Variants in RFNG observed in about 807,000 individuals in gnomAD.
RFNG encodes RFNG O-fucosylpeptide 3-beta-N-acetylglucosaminyltransferase, also known as beta-1,3-N-acetylglucosaminyltransferase radical fringe.
Under a neutral mutation model 29.6 loss-of-function variants are expected in RFNG, and 37 were observed. That is an observed-to-expected ratio of 1.25 (90% CI 0.96 to 1.65). RFNG has a LOEUF of 1.65. RFNG is among the 40% of genes most tolerant of loss of function. The probability of loss-of-function intolerance (pLI) is 0.00; values close to 1 mark genes in which losing one functional copy is unlikely to be tolerated. For synonymous variants in RFNG, 276 were observed against 197.3 expected (o/e 1.40, Z -3.34); for missense variants, 546 against 457.0 (o/e 1.19, Z -1.78).
chr17:82,051,573 T>G lies in RFNG; in HGVS notation c.194A>C (p.Lys65Thr). ...CGGCCCGTGGTTCTTCCGGGTGGTC[T>G]TGACGGCGATGAAGACGTCGTCAGG... ...LRPDDVFIAV[K>T]TTRKNHGPRL... The change falls in exon 1 of 8, where the codon AAG becomes ACG. Residue 65 changes from lysine (K) to threonine (T), a missense_variant. Coordinates refer to ENST00000310496, the MANE Select transcript of RFNG (RefSeq NM_002917.2). The surrounding 1 kb of genome is among the most constrained non-coding windows in gnomAD (Gnocchi z 4.1). 7.3e-7 allele frequency: 1 copy of G among 1,363,216 alleles called. No individual in the cohort carries two copies. The highest frequency in any genetic ancestry group is 3.2e-5 in the East Asian group (1 of 30,920). 84.4% of individuals were successfully genotyped at this position (1,363,216 alleles called of 1,614,324 possible).
rs2030633889 is a variant in RFNG at position 82,051,650 on chromosome 17, G to A, written c.117C>T (p.Pro39=). The part of the protein sequence containing the change: ...LPRAPAPART[P]APAPRAPPSR... ...ACGGGGGCGCGCGCGGGGCCGGGGC[G>A]GGGGTCCGGGCCGGGGCGGGCGCGC... Residue 39 remains proline (P), a synonymous_variant, in exon 1 of 8, where the codon CCC becomes CCT. Transcript: ENST00000310496. The surrounding 1 kb of genome is among the most constrained non-coding windows in gnomAD (Gnocchi z 4.1). 2.9e-6 allele frequency: 3 copies of A among 1,038,734 alleles called. No homozygotes were observed. Among genetic ancestry groups the A allele is most frequent in the South Asian group, 4.5e-5 (1 of 22,084 alleles). 64.3% of individuals were successfully genotyped at this position (1,038,734 alleles called of 1,614,324 possible).
In RFNG at chr17:82,050,329, C is replaced by T. The variant is rs902240323; in HGVS notation, c.573+73G>A. ...ATGCCCTTCTCAAGCCAGCTTTCCA[C>T]GCCCTCTGCTGTGCCTCCCGGGCTG... On this transcript the variant is annotated intron_variant, in intron 4 of 7. Coordinates refer to ENST00000310496, the MANE Select transcript of RFNG (RefSeq NM_002917.2). The T allele has an allele frequency of 5.3e-5, 78 of 1,477,652 alleles. No homozygotes were observed. The African/African-American group carries it at 5.6e-4, about 11-fold the overall frequency. 91.5% of individuals were successfully genotyped at this position (1,477,652 alleles called of 1,614,324 possible). A position where few individuals can be genotyped will look rare whatever the true frequency, so the allele number is the denominator to read the frequency against.
intron 4 of RFNG, 143 bp from the exon 5 acceptor site, chr17:82,050,149 C>T (rs944370974): frequency 3.0e-5 from 25 of 828,768 alleles, no homozygotes; most frequent in African/African-American, 1.5e-4. Flanking sequence ...CAAAAAGAGC[C>T]GGGGGCTTCT....
At position 82,048,994 on chromosome 17, in the gene RFNG, C is replaced by A. The variant is rs140019414; in HGVS notation, c.914+37G>T. 9.4e-6 allele frequency: 15 copies of A among 1,591,488 alleles called. No individual in the cohort carries two copies. The Admixed American group carries it at 1.0e-4, about 11-fold the overall frequency. On this transcript the variant is annotated intron_variant, in intron 7 of 7. Transcript: ENST00000310496. ...GAGGGAGCTGATGCCAGAGCCCCTG[C>A]GGGGCCGAGGGCCTGCCCATGCCAC...
In RFNG at chr17:82,048,379, C is replaced by T. The variant is rs373360850; in HGVS notation, c.*347G>A. On this transcript the variant is annotated 3_prime_UTR_variant, in exon 8 of 8. Coordinates refer to ENST00000310496, the MANE Select transcript of RFNG (RefSeq NM_002917.2). ...CTTGACACCCAGCCAGCCTAGCACC[C>T]GCCTTCAGCAACAGGTAATGGAGCC... The T allele has an allele frequency of 8.1e-5, 26 of 320,808 alleles. 1 individual carries two copies. The highest frequency in any genetic ancestry group is 6.1e-4 in the East Asian group (8 of 13,156). 19.9% of individuals were successfully genotyped at this position (320,808 alleles called of 1,614,324 possible).
rs1339247863 is a variant in RFNG at position 82,049,120 on chromosome 17, G to A, written c.829-4C>T. The A allele has an allele frequency of 6.2e-7, 1 of 1,612,252 alleles. No individual in the cohort carries two copies. The highest frequency in any genetic ancestry group is 2.2e-5 in the East Asian group (1 of 44,868). The stretch of plus-strand genomic sequence containing the variant: ...GACCCCCATGGCTCAAGGTAACCTG[G>A]GAGGGAAGGGTGTGGGCAGAGTGTG... On this transcript the variant is annotated splice_region_variant and splice_polypyrimidine_tract_variant and intron_variant, in intron 6 of 7. Coordinates refer to ENST00000310496, the MANE Select transcript of RFNG (RefSeq NM_002917.2).
intron 6 of RFNG, chr17:82,049,381 C>G (rs1404842472): frequency 1.4e-6 from 1 of 698,682 alleles, no homozygotes; most frequent in African/African-American, 1.7e-5. Context: ...GTGATGGGAC[C>G]TGTTCCGACT....
rs553117599 is a variant in RFNG, at chr17:82,048,868, C to T, written c.915-61G>A. On this transcript the variant is annotated intron_variant, in intron 7 of 7. Transcript: ENST00000310496. ...CGGAGAGAGAAGCGGGGGCCAGGGCCGTGGGCGGCGGGAGAACCTGGGGTC... is the reference window on the plus strand; with the variant it reads ...CGGAGAGAGAAGCGGGGGCCAGGGCTGTGGGCGGCGGGAGAACCTGGGGTC... The T allele has an allele frequency of 1.0e-4, 158 of 1,520,486 alleles. 1 individual carries two copies. In the East Asian group the frequency reaches 2.2e-3, roughly 21 times the overall value. 94.2% of individuals were successfully genotyped at this position (1,520,486 alleles called of 1,614,324 possible).
rs763215240 is a variant in RFNG, at chr17:82,050,395, C to A, written c.573+7G>T. 1.3e-6 allele frequency: 2 copies of A among 1,566,708 alleles called. No individual in the cohort carries two copies. The highest frequency in any genetic ancestry group is 1.7e-6 in the Non-Finnish European group (2 of 1,161,692). On this transcript the variant is annotated splice_region_variant and intron_variant, in intron 4 of 7. Transcript: ENST00000310496. Reference sequence around the variant, plus strand: ...TCTGCTCCGATGGCGTCTGCTCCGACACTCACAGTTCTGCCACCCTGGACC... The same window carrying A: ...TCTGCTCCGATGGCGTCTGCTCCGAAACTCACAGTTCTGCCACCCTGGACC...
Position 82,051,252 on chromosome 17 carries a change from G to C in RFNG, c.316+42C>G. 7.5e-7 allele frequency: 1 copy of C among 1,341,982 alleles called. No homozygotes were observed. The highest frequency in any genetic ancestry group is 3.7e-5 in the Admixed American group (1 of 27,356). 83.1% of individuals were successfully genotyped at this position (1,341,982 alleles called of 1,614,324 possible). ...GTGGCTTCGGAGCGAGAAAGGCTCG[G>C]GGGGCAGATCCCGCGGGCGCCGGGG... On this transcript the variant is annotated intron_variant, in intron 2 of 7. Coordinates refer to ENST00000310496, the MANE Select transcript of RFNG (RefSeq NM_002917.2). This position sits in a 1 kb window ranked among gnomAD's most constrained non-coding sequence, Gnocchi z 4.1.
chr17:82,048,906 A>G (rs539782564), intron 7 of RFNG, 99 bp from the exon 8 acceptor site: 3 of 1,385,286 alleles, frequency 2.2e-6, no homozygotes, highest in Non-Finnish European at 3.1e-6. Context: ...GGCCGTGGGT[A>G]CAGGGAGAAG....
rs771397084 is a variant in RFNG, at chr17:82,049,635, G to C, written c.828+42C>G. Reference sequence around the variant, plus strand: ...GGGCCCCTGGGGGAGTCAGGGCGGGGCAAAGCCCAGGTGGCAGAGGCACCC... The same window carrying C: ...GGGCCCCTGGGGGAGTCAGGGCGGGCCAAAGCCCAGGTGGCAGAGGCACCC... On this transcript the variant is annotated intron_variant, in intron 6 of 7. Coordinates refer to ENST00000310496, the MANE Select transcript of RFNG (RefSeq NM_002917.2). 4 of 1,461,378 alleles carry C rather than the reference G, an allele frequency of 2.7e-6. No individual in the cohort carries two copies. In the African/African-American group the frequency reaches 5.7e-5, roughly 21 times the overall value. The allele number at this position is 1,461,378 out of a possible 1,614,324, so 90.5% of individuals were successfully genotyped here.
chr17:82,050,791 A>G (rs750894066), intron 2 of RFNG, 27 bp from the exon 3 acceptor site: 118 of 1,607,842 alleles, frequency 7.3e-5, no homozygotes, highest in Non-Finnish European at 9.7e-5. Flanking sequence ...GGAAGCACGC[A>G]CGTAGAGGAT....
chr17:82,051,486 G>T lies in RFNG; in HGVS notation c.267+14C>A, dbSNP rs945168430. ...GGGCGTGGGGCTCGCCGTCGGGGTCGGGGTCCGGCGCACCTGCTGGCGGGC... is the reference window on the plus strand; with the variant it reads ...GGGCGTGGGGCTCGCCGTCGGGGTCTGGGTCCGGCGCACCTGCTGGCGGGC... On this transcript the variant is annotated intron_variant, in intron 1 of 7. Transcript: ENST00000310496. The surrounding 1 kb of genome is among the most constrained non-coding windows in gnomAD (Gnocchi z 4.1). 1 of 1,365,260 alleles carries T rather than the reference G, an allele frequency of 7.3e-7. No individual in the cohort carries two copies. The highest frequency in any genetic ancestry group is 2.7e-4 in the Middle Eastern group (1 of 3,650). 84.6% of individuals were successfully genotyped at this position (1,365,260 alleles called of 1,614,324 possible).
At position 82,050,002 on chromosome 17, in the gene RFNG, G is replaced by A; in HGVS notation, c.578C>T (p.Thr193Ile). The A allele has an allele frequency of 1.9e-6, 3 of 1,609,276 alleles. No homozygotes were observed. Among genetic ancestry groups the A allele is most frequent in the Non-Finnish European group, 2.5e-6 (3 of 1,178,026 alleles). Residue 193 changes from threonine (T) to isoleucine (I), a missense_variant, in exon 5 of 8, where the codon ACC becomes ATC. Physicochemically the swap from Thr to Ile is moderately conservative, Grantham distance 89. Transcript: ENST00000310496. ...TERVQGGRTV[T>I]TVKFWFATGG... ...AGTAGCAAACCAGAACTTGACCGTG[G>A]TCACCTGAAGATGGGGTGGTGGTCA...
rs536979927 is a variant in RFNG, at chr17:82,049,321, G to A, written c.829-205C>T. On this transcript the variant is annotated intron_variant, in intron 6 of 7. Transcript: ENST00000310496. ...CAGAGCCTGGGGGACAGAAGATAGGGATCTGAAACCTCCAGGGCAAAGCTG... is the reference window on the plus strand; with the variant it reads ...CAGAGCCTGGGGGACAGAAGATAGGAATCTGAAACCTCCAGGGCAAAGCTG... The A allele has an allele frequency of 3.7e-4, 263 of 701,952 alleles. 1 individual carries two copies. In the African/African-American group the frequency reaches 4.0e-3, roughly 11 times the overall value. 43.5% of individuals were successfully genotyped at this position (701,952 alleles called of 1,614,324 possible).
rs1437644283 is a variant in RFNG at position 82,049,432 on chromosome 17, T to G, written c.828+245A>C. 5.7e-6 allele frequency: 4 copies of G among 703,510 alleles called. No homozygotes were observed. In the East Asian group the frequency reaches 1.1e-4, roughly 19 times the overall value. The allele number at this position is 703,510 out of a possible 1,614,324, so 43.6% of individuals were successfully genotyped here. On this transcript the variant is annotated intron_variant, in intron 6 of 7. Coordinates refer to ENST00000310496, the MANE Select transcript of RFNG (RefSeq NM_002917.2). ...CACCACACCCACTGCCCAGCTGGCATGGGGCCTCACTGGCCCGAGAACTGT... is the reference window on the plus strand; with the variant it reads ...CACCACACCCACTGCCCAGCTGGCAGGGGGCCTCACTGGCCCGAGAACTGT...
At position 82,049,680 on chromosome 17, in the gene RFNG, C is replaced by T. The variant is rs761359042; in HGVS notation, c.825G>A (p.Gln275=). Residue 275 remains glutamine, a synonymous_variant, in exon 6 of 8, where the codon CAG becomes CAA. Coordinates refer to ENST00000310496, the MANE Select transcript of RFNG (RefSeq NM_002917.2). ...LQRLPPDTLL[Q]QVTLSHGGPE... is the part of the protein sequence containing the mutation. ...GCACCCAGAGTGGCGCCTGTACCTGCTGGAGCAGGGTGTCGGGCGGCAGCC... is the reference window on the plus strand; with the variant it reads ...GCACCCAGAGTGGCGCCTGTACCTGTTGGAGCAGGGTGTCGGGCGGCAGCC... 2.2e-5 allele frequency: 33 copies of T among 1,466,960 alleles called. No individual in the cohort carries two copies. The highest frequency in any genetic ancestry group is 2.7e-5 in the Non-Finnish European group (30 of 1,108,734). The allele number at this position is 1,466,960 out of a possible 1,614,324, so 90.9% of individuals were successfully genotyped here. A position where few individuals can be genotyped will look rare whatever the true frequency, so the allele number is the denominator to read the frequency against.
In RFNG at chr17:82,050,018, G is replaced by A. The variant is rs1478983366; in HGVS notation, c.574-12C>T. 14 of 1,598,836 alleles carry A rather than the reference G, an allele frequency of 8.8e-6. No individual in the cohort carries two copies. In the East Asian group the frequency reaches 9.1e-5, roughly 10 times the overall value. On this transcript the variant is annotated splice_polypyrimidine_tract_variant and intron_variant, in intron 4 of 7. Coordinates refer to ENST00000310496, the MANE Select transcript of RFNG (RefSeq NM_002917.2). The stretch of plus-strand genomic sequence containing the variant: ...TTGACCGTGGTCACCTGAAGATGGG[G>A]TGGTGGTCAGAGCTGCCCAGGACAG...
Sources: gnomAD v4.1 joint callset for allele counts on GRCh38, gnomAD v4.1.1 for gene constraint, Gnocchi (gnomAD v3.1) non-coding constraint, MANE v1.5 for transcripts, NCBI Gene and HGNC (gene_info 2026-07-23, HGNC 2026-07-21) for gene names.